The following CSMD1 variants were observed in gnomAD, a reference collection of about 807,000 sequenced individuals.
The protein encoded by CSMD1 is CUB and sushi domain-containing protein 1.
In CSMD1, 213 loss-of-function variants were observed where a neutral mutation model predicts 417.5. That is an observed-to-expected ratio of 0.51 (90% CI 0.46 to 0.57). CSMD1 has a LOEUF of 0.57. Ranked by LOEUF, CSMD1 falls within the 20% of genes least tolerant of loss-of-function variation. The probability of loss-of-function intolerance (pLI) is 0.00; values close to 1 mark genes in which losing one functional copy is unlikely to be tolerated. For synonymous variants in CSMD1, 2,862 were observed against 1,736.8 expected (o/e 1.65, Z -16.11); for missense variants, 6,923 against 4,529.7 (o/e 1.53, Z -15.17).
At chr8:3,318,993 C>T (rs886699313) in intron 23 of CSMD1, among the ~76,000 whole-genome samples, 3 of 152,110 alleles carry the variant, frequency 2.0e-5, no homozygotes, top group Non-Finnish European at 2.9e-5. Context: ...GACCCAGAAA[C>T]ACAACAACAC....
intron 38 of CSMD1, among the ~76,000 whole-genome samples, chr8:3,159,366 T>A (rs1819739324): frequency 6.6e-6 from 1 of 152,238 alleles, no homozygotes. Context: ...GGGAATTTTC[T>A]TTTTTATGTT....
chr8:3,603,873 T>C (rs1801479644), intron 8 of CSMD1, among the ~76,000 whole-genome samples: 1 of 152,196 alleles, frequency 6.6e-6, no homozygotes, highest in African/African-American at 2.4e-5. Flanking sequence ...ACATAAATGA[T>C]CTAGCAAATG....
At chr8:3,875,522 G>A (rs868255517) in intron 5 of CSMD1, among the ~76,000 whole-genome samples, 24 of 152,108 alleles carry the variant, frequency 1.6e-4, no homozygotes, top group African/African-American at 5.1e-4. Flanking sequence ...AGGGGAGGAA[G>A]CAGCCGGCAT....
At chr8:3,872,839 C>CAAA (rs59622954) in intron 5 of CSMD1, among the ~76,000 whole-genome samples, 38 of 131,362 alleles carry the variant, frequency 2.9e-4, no homozygotes, top group African/African-American at 1.0e-3. Flanking sequence ...AAGACAGCTC[C>CAAA]AAAAAAAAAA....
intron 7 of CSMD1, among the ~76,000 whole-genome samples, chr8:3,681,263 A>G (rs564959821): frequency 6.6e-6 from 1 of 152,350 alleles, no homozygotes; most frequent in Non-Finnish European, 1.5e-5. Context: ...CTCTTTGCAG[A>G]TGACATGATT....
intron 37 of CSMD1, among the ~76,000 whole-genome samples, chr8:3,169,910 C>T (rs1820472611): frequency 6.6e-6 from 1 of 152,214 alleles, no homozygotes; most frequent in Non-Finnish European, 1.5e-5. Context: ...CTCTAGTCCT[C>T]TGTGGATGAC....
Position 4,973,222 on chromosome 8 carries a change from G to C in CSMD1, c.85+21110C>G, listed in dbSNP as rs1023190775. ...TTTTGGTTCCTCTCATCATATTATT[G>C]AGAGAAAGCATTTTCTTGGAATTTA... On this transcript the variant is annotated intron_variant, in intron 1 of 69. Coordinates refer to ENST00000635120, the MANE Select transcript of CSMD1 (RefSeq NM_033225.6). 2.0e-5 allele frequency among the ~76,000 whole-genome samples: 3 copies of C among 151,926 alleles called. No individual in the cohort carries two copies. The East Asian group carries it at 5.8e-4, about 29-fold the overall frequency.
At chr8:2,961,433 T>C (rs543060296) in intron 61 of CSMD1, among the ~76,000 whole-genome samples, 45 of 152,304 alleles carry the variant, frequency 3.0e-4, no homozygotes, top group African/African-American at 1.1e-3. Flanking sequence ...TAGTTCAGTA[T>C]GTTCTTCTTA....
rs10663439 is a variant in CSMD1 at position 3,248,523 on chromosome 8, C to CTTTTTTTTT, written c.4154-18301_4154-18293dup. ...GGTACGCCTGTAATCAATTCCCTCC[C>CTTTTTTTTT]TTTTTTTTTTTTTTTTTTTTTTTTG... On this transcript the variant is annotated intron_variant, in intron 26 of 69. Coordinates refer to ENST00000635120, the MANE Select transcript of CSMD1 (RefSeq NM_033225.6). Among the ~76,000 whole-genome samples, 157 of 85,978 alleles carry CTTTTTTTTT rather than the reference C, an allele frequency of 1.8e-3. 5 individuals are homozygous for CTTTTTTTTT. Among genetic ancestry groups the CTTTTTTTTT allele is most frequent in the African/African-American group, 2.8e-3 (67 of 23,616 alleles). 56.4% of individuals were successfully genotyped at this position (85,978 alleles called of 152,430 possible). A position where few individuals can be genotyped will look rare whatever the true frequency, so the allele number is the denominator to read the frequency against.
chr8:4,002,262 T>C (rs1360671330), intron 4 of CSMD1, among the ~76,000 whole-genome samples: 1 of 151,818 alleles, frequency 6.6e-6, no homozygotes, highest in Admixed American at 6.5e-5. Context: ...TATGTGTGTG[T>C]TTGTGTTTGA....
intron 2 of CSMD1, among the ~76,000 whole-genome samples, chr8:4,518,876 C>G (rs1205726065): frequency 1.3e-5 from 2 of 152,048 alleles, no homozygotes; most frequent in Admixed American, 6.5e-5. Flanking sequence ...CAATACTCTT[C>G]AAAGGTTTTC....
intron 7 of CSMD1, among the ~76,000 whole-genome samples, chr8:3,676,562 T>C (rs1467214970): frequency 1.3e-5 from 2 of 152,206 alleles, no homozygotes. Context: ...TGTTCTCCCT[T>C]ACCATTAAAA....
At chr8:4,121,552 C>G (rs1221646688) in intron 3 of CSMD1, among the ~76,000 whole-genome samples, 1 of 149,720 alleles carries the variant, frequency 6.7e-6, no homozygotes, top group East Asian at 2.0e-4. Context: ...AAGCAATTGT[C>G]TAAAATGTAA....
chr8:4,214,073 C>G lies in CSMD1; in HGVS notation c.416-181974G>C, dbSNP rs6984394. Among the ~76,000 whole-genome samples the G allele has an allele frequency of 3.8e-3, 573 of 152,260 alleles. 5 individuals are homozygous for G. Among genetic ancestry groups the G allele is most frequent in the African/African-American group, 0.013 (549 of 41,546 alleles). On this transcript the variant is annotated intron_variant, in intron 3 of 69. Coordinates refer to ENST00000635120, the MANE Select transcript of CSMD1 (RefSeq NM_033225.6). Reference sequence around the variant, plus strand: ...AAATGATCAATAAATATCTGACCTACTGAATTATCCAGCATCTTACTCCCT... The same window carrying G: ...AAATGATCAATAAATATCTGACCTAGTGAATTATCCAGCATCTTACTCCCT...
chr8:4,546,751 G>C (rs1289172472), intron 2 of CSMD1, among the ~76,000 whole-genome samples: 1 of 151,762 alleles, frequency 6.6e-6, no homozygotes, highest in Non-Finnish European at 1.5e-5. Context: ...AAATATATAT[G>C]TGTATGCATA....
chr8:4,241,597 C>G (rs1031768135), intron 3 of CSMD1, among the ~76,000 whole-genome samples: 1 of 152,050 alleles, frequency 6.6e-6, no homozygotes, highest in Admixed American at 6.6e-5. Flanking sequence ...ACCCGGAACA[C>G]AAGTTTAGAG....
At chr8:4,052,492 T>A (rs1045796380) in intron 3 of CSMD1, among the ~76,000 whole-genome samples, 4 of 152,050 alleles carry the variant, frequency 2.6e-5, no homozygotes, top group African/African-American at 7.2e-5. Flanking sequence ...AGGGTCAGAG[T>A]GCAGTGGGAG....
chr8:3,999,172 T>C (rs969776681), intron 4 of CSMD1, among the ~76,000 whole-genome samples: 1 of 152,008 alleles, frequency 6.6e-6, no homozygotes, highest in Non-Finnish European at 1.5e-5. Flanking sequence ...TCTTTTTCTT[T>C]CTTTCCTCAA....
At chr8:4,905,063 A>T (rs765114053) in intron 1 of CSMD1, among the ~76,000 whole-genome samples, 3 of 152,088 alleles carry the variant, frequency 2.0e-5, no homozygotes, top group Admixed American at 6.5e-5. Flanking sequence ...GCTCTCAAAC[A>T]TTTCTCTGCC....
Sources: allele counts gnomAD v4.1 joint callset (sites outside exome capture counted in the v4.1 genomes callset), GRCh38; gene constraint gnomAD v4.1.1; transcripts MANE v1.5; gene names NCBI Gene and HGNC (gene_info 2026-07-23, HGNC 2026-07-21).